Variants in SPG11 observed in about 807,000 individuals in gnomAD.
The protein encoded by SPG11 is SPG11 vesicle trafficking associated, spatacsin, also known as spatacsin.
Under a neutral mutation model 274.0 loss-of-function variants are expected in SPG11, and 222 were observed. That is an observed-to-expected ratio of 0.81 (90% CI 0.73 to 0.91). The LOEUF (loss-of-function observed/expected upper bound fraction) is 0.91, where lower values mean the gene tolerates loss of function less well. Ranked by LOEUF, SPG11 falls within the 40% of genes least tolerant of loss-of-function variation. The probability of loss-of-function intolerance (pLI) is 0.00; values close to 1 mark genes in which losing one functional copy is unlikely to be tolerated. For synonymous variants in SPG11, 1,144 were observed against 1,039.7 expected (o/e 1.10, Z -1.93); for missense variants, 3,114 against 2,872.7 (o/e 1.08, Z -1.92).
intron 26 of SPG11, among the ~76,000 whole-genome samples, chr15:44,594,887 G>A (rs1219007146): frequency 1.3e-5 from 2 of 152,198 alleles, no homozygotes; most frequent in African/African-American, 4.8e-5. Flanking sequence ...CACGATCTCG[G>A]CTCACTGCAA....
chr15:44,569,665 G>T (rs1216610099), intron 34 of SPG11, among the ~76,000 whole-genome samples, 160 bp from the exon 35 acceptor site: 2 of 152,074 alleles, frequency 1.3e-5, no homozygotes, highest in Non-Finnish European at 2.9e-5. Flanking sequence ...GTACCCAACA[G>T]GGGGCCTCTG....
chr15:44,613,384 G>T, intron 17 of SPG11, 46 bp downstream of exon 17: 2 of 1,250,924 alleles, frequency 1.6e-6, no homozygotes, highest in South Asian at 1.2e-5. Flanking sequence ...ACAGACCAGT[G>T]ACTGATCCAA....
Position 44,584,267 on chromosome 15 carries a change from G to C in SPG11, c.5413C>G (p.Arg1805Gly). 6.2e-7 allele frequency: 1 copy of C among 1,613,868 alleles called. No individual in the cohort carries two copies. Among genetic ancestry groups the C allele is most frequent in the African/African-American group, 1.3e-5 (1 of 74,996 alleles). Residue 1805 changes from arginine (R) to glycine (G), a missense_variant, in exon 30 of 40, where the codon CGC (arginine) becomes GGC (glycine). Transcript: ENST00000261866. ...CTTCCAAGAGTGTGCTGGGTGATGCGGCACAGCCAGATCTGCTTCTCCAGC... is the reference window on the plus strand; with the variant it reads ...CTTCCAAGAGTGTGCTGGGTGATGCCGCACAGCCAGATCTGCTTCTCCAGC... The part of the protein sequence containing the change: ...EELEKQIWLC[R>G]ITQHTLGRNQ...
intron 16 of SPG11, among the ~76,000 whole-genome samples, chr15:44,614,209 A>C (rs191435682): frequency 6.6e-6 from 1 of 152,278 alleles, no homozygotes; most frequent in Admixed American, 6.5e-5. Flanking sequence ...TACCAAAAAT[A>C]CAACTTCTCT....
chr15:44,663,241 C>A, intron 1 of SPG11, 150 bp downstream of exon 1: 1 of 1,070,136 alleles, frequency 9.3e-7, no homozygotes, highest in South Asian at 1.5e-5. Flanking sequence ...GAGGAAACCA[C>A]GCTCGCCTCT....
chr15:44,591,664 A>G (rs2082901652), intron 27 of SPG11, among the ~76,000 whole-genome samples: 1 of 152,208 alleles, frequency 6.6e-6, no homozygotes, highest in Admixed American at 6.5e-5. Context: ...ATAACTTTCA[A>G]ATCTTCATTA....
At chr15:44,565,802 A>G (rs2082295232) in intron 38 of SPG11, 52 bp downstream of exon 38, 5 of 1,608,848 alleles carry the variant, frequency 3.1e-6, no homozygotes, top group South Asian at 2.2e-5. Context: ...TGAGTGGGAC[A>G]GAAGGAGAGA....
rs1293272069 is a variant in SPG11 at position 44,564,409 on chromosome 15, AG to A, written c.7151+137del. ...AAATCTGTTAAAAGACTTCCTTCTAAGGATTCTTGATACTGCTTTGCCATTT... is the reference window on the plus strand; with the variant it reads ...AAATCTGTTAAAAGACTTCCTTCTAAGATTCTTGATACTGCTTTGCCATTT... On this transcript the variant is annotated intron_variant, in intron 39 of 39. Transcript: ENST00000261866. 23 of 792,196 alleles carry A rather than the reference AG, an allele frequency of 2.9e-5. No homozygotes were observed. In the East Asian group the frequency reaches 6.0e-4, roughly 21 times the overall value. 49.1% of individuals were successfully genotyped at this position (792,196 alleles called of 1,614,324 possible).
rs8041448 is a variant in SPG11, at chr15:44,564,245, G to A, written c.7151+302C>T. Among the ~76,000 whole-genome samples the A allele has an allele frequency of 5.8e-3, 889 of 152,184 alleles. 23 individuals carry two copies. In the East Asian group the frequency reaches 0.087, roughly 15 times the overall value. On this transcript the variant is annotated intron_variant, in intron 39 of 39. Coordinates refer to ENST00000261866, the MANE Select transcript of SPG11 (RefSeq NM_025137.4). ...TGACCTCAAGTGATCCTCCCGCCTC[G>A]GCCTCCCATAGTGCTGGGATTACAG... is the stretch of plus-strand genomic sequence containing the variant.
intron 27 of SPG11, among the ~76,000 whole-genome samples, chr15:44,592,089 C>G (rs958878338): frequency 6.8e-6 from 1 of 146,262 alleles, no homozygotes; most frequent in Admixed American, 7.0e-5. Context: ...CCAGCCTGGG[C>G]GACAGAGCCA....
In SPG11 at chr15:44,621,872, T is replaced by C; in HGVS notation, c.2507A>G (p.Tyr836Cys). ...TTTGTTAAATTCATCTTTACAATCA[T>C]ATTTCAGGAATGAGTCCAAAACAGA... ...HKSVLDSFLK[Y>C]DCKDEFNKQD... is the part of the protein sequence containing the mutation. Residue 836 changes from tyrosine (Y) to cysteine (C), a missense_variant, in exon 14 of 40, where the codon TAT becomes TGT. Physicochemically the swap from Tyr to Cys is radical, Grantham distance 194. Coordinates refer to ENST00000261866, the MANE Select transcript of SPG11 (RefSeq NM_025137.4). 2 of 1,613,930 alleles carry C rather than the reference T, an allele frequency of 1.2e-6. No individual in the cohort carries two copies. The highest frequency in any genetic ancestry group is 1.7e-5 in the Admixed American group (1 of 60,008).
rs769129678 is a variant in SPG11, at chr15:44,615,498, C to G, written c.2903G>C (p.Gly968Ala). 90 of 1,613,944 alleles carry G rather than the reference C, an allele frequency of 5.6e-5. No homozygotes were observed. Among genetic ancestry groups the G allele is most frequent in the Non-Finnish European group, 7.4e-5 (87 of 1,179,998 alleles). Residue 968 changes from glycine to alanine, a missense_variant, in exon 16 of 40, where the codon GGA (glycine) becomes GCA (alanine). Coordinates refer to ENST00000261866, the MANE Select transcript of SPG11 (RefSeq NM_025137.4). ...ECFLLRLSRI[G>A]GVIQDTLPVQ... ...AGGGAGGGTATCCTGTATTACACCT[C>G]CAATACGGCTCAGTCTTAGGAGGAA...
chr15:44,630,858 G>A (rs780711268), intron 8 of SPG11, among the ~76,000 whole-genome samples: 2 of 152,014 alleles, frequency 1.3e-5, no homozygotes, highest in African/African-American at 4.8e-5. Flanking sequence ...GATCATAGGC[G>A]TGAGACACTG....
chr15:44,630,738 C>G (rs1298107899), intron 8 of SPG11, among the ~76,000 whole-genome samples: 1 of 152,128 alleles, frequency 6.6e-6, no homozygotes, highest in Admixed American at 6.6e-5. Context: ...CACCACCACA[C>G]ATGGCTAATT....
chr15:44,631,566 G>C (rs2141050683), intron 8 of SPG11, among the ~76,000 whole-genome samples: 1 of 151,984 alleles, frequency 6.6e-6, no homozygotes, highest in African/African-American at 2.4e-5. Context: ...AGAAAAAAGA[G>C]CATATTAGTT....
intron 20 of SPG11, among the ~76,000 whole-genome samples, chr15:44,604,753 C>T (rs925149129): frequency 7.9e-5 from 12 of 151,340 alleles, no homozygotes; most frequent in Admixed American, 4.6e-4. Flanking sequence ...ACGGTGAAAC[C>T]CCACCTCTAC....
intron 28 of SPG11, among the ~76,000 whole-genome samples, chr15:44,588,072 C>G (rs184285929): frequency 1.2e-3 from 182 of 152,286 alleles, no homozygotes; most frequent in Admixed American, 6.0e-3. Context: ...AGGATTCTGT[C>G]AGTGTTCTGT....
rs375508694 is a variant in SPG11 at position 44,563,281 on chromosome 15, G to A, written c.7172C>T (p.Thr2391Ile). 3.1e-6 allele frequency: 5 copies of A among 1,613,288 alleles called. No homozygotes were observed. The highest frequency in any genetic ancestry group is 4.2e-6 in the Non-Finnish European group (5 of 1,179,422). The stretch of plus-strand genomic sequence containing the variant: ...CTTCAGGTTTTCCATGACCATGTCA[G>A]TAGGCTGATGTTGTTTATATCTAGA... ...ISKKYKQHQP[T>I]DMVMENLKKL... Residue 2391 changes from threonine to isoleucine, a missense_variant, in exon 40 of 40, where the codon ACT becomes ATT. Coordinates refer to ENST00000261866, the MANE Select transcript of SPG11 (RefSeq NM_025137.4).
chr15:44,636,743 T>C (rs1332801065), intron 7 of SPG11, among the ~76,000 whole-genome samples: 3 of 150,662 alleles, frequency 2.0e-5, no homozygotes, highest in South Asian at 2.1e-4. Context: ...CTGGCCAACA[T>C]AGTAAAACCC....
Sources: allele counts gnomAD v4.1 joint callset (sites outside exome capture counted in the v4.1 genomes callset), GRCh38; gene constraint gnomAD v4.1.1; transcripts MANE v1.5; gene names NCBI Gene and HGNC (gene_info 2026-07-23, HGNC 2026-07-21).